ACMSD: variants seen among roughly 807,000 people sequenced by gnomAD.
ACMSD encodes the protein aminocarboxymuconate semialdehyde decarboxylase, also known as 2-amino-3-carboxymuconate-6-semialdehyde decarboxylase.
ACMSD carries 37 observed loss-of-function variants against 45.9 expected under a neutral mutation model. The observed-to-expected ratio is 0.81, with a 90% CI of 0.62 to 1.06. ACMSD has a LOEUF of 1.06. ACMSD is among the 50% of genes least tolerant of loss of function. ACMSD has a pLI of 0.00. For synonymous variants in ACMSD, 138 were observed against 148.8 expected (o/e 0.93, Z 0.53); for missense variants, 434 against 420.9 (o/e 1.03, Z -0.27).
At chr2:134,854,474 T>C (rs1249540531) in intron 2 of ACMSD, among the ~76,000 whole-genome samples, 2 of 152,208 alleles carry the variant, frequency 1.3e-5, no homozygotes, top group East Asian at 1.9e-4. Flanking sequence ...AGGATGCTCA[T>C]GCTAATGCTG....
chr2:134,888,559 T>C (rs1029051051), intron 8 of ACMSD, among the ~76,000 whole-genome samples: 1 of 152,124 alleles, frequency 6.6e-6, no homozygotes, highest in African/African-American at 2.4e-5. Flanking sequence ...AGCCAAAAAC[T>C]GGAAAAAGTG....
chr2:134,886,961 ATAAAT>A (rs1417040306), intron 8 of ACMSD, among the ~76,000 whole-genome samples: 3 of 152,378 alleles, frequency 2.0e-5, no homozygotes, highest in Admixed American at 1.3e-4. Context: ...GCAAGCAATT[ATAAAT>A]TAAACTTTTA....
chr2:134,875,471 A>C (rs1000765931), intron 8 of ACMSD, among the ~76,000 whole-genome samples: 2 of 152,074 alleles, frequency 1.3e-5, no homozygotes, highest in African/African-American at 4.8e-5. Flanking sequence ...TATTTCTAAA[A>C]CCCTGTGCTA....
intron 1 of ACMSD, among the ~76,000 whole-genome samples, chr2:134,841,629 A>T (rs1442888443): frequency 6.6e-6 from 1 of 152,204 alleles, no homozygotes; most frequent in Non-Finnish European, 1.5e-5. Context: ...GGCCCAAGAA[A>T]CAGTGGTGAA....
chr2:134,877,073 T>C (rs527967564), intron 8 of ACMSD, among the ~76,000 whole-genome samples: 3 of 152,314 alleles, frequency 2.0e-5, no homozygotes, highest in Admixed American at 6.5e-5. Context: ...GCGCCCAGTC[T>C]ATCTGTGCTG....
chr2:134,876,938 C>T (rs564589518), intron 8 of ACMSD, among the ~76,000 whole-genome samples: 1 of 152,226 alleles, frequency 6.6e-6, no homozygotes, highest in South Asian at 2.1e-4. Flanking sequence ...TGCACCACCA[C>T]ACCCAGTGTA....
chr2:134,878,427 A>G (rs1341356222), intron 8 of ACMSD, among the ~76,000 whole-genome samples: 1 of 152,130 alleles, frequency 6.6e-6, no homozygotes, highest in Non-Finnish European at 1.5e-5. Context: ...CCCAGACTCA[A>G]GGGATCCTCC....
chr2:134,898,528 A>G (rs1208916934), intron 9 of ACMSD, 89 bp downstream of exon 9: 1 of 767,910 alleles, frequency 1.3e-6, no homozygotes, highest in Non-Finnish European at 2.0e-6. Context: ...TATAAAAACA[A>G]AGAACAGAGG....
At position 134,840,194 on chromosome 2, in the gene ACMSD, C is replaced by CA. The variant is rs1300580743; in HGVS notation, c.57+1455_57+1456insA. 4.9e-3 allele frequency among the ~76,000 whole-genome samples: 338 copies of CA among 68,760 alleles called. 13 individuals are homozygous for CA. The highest frequency in any genetic ancestry group is 0.018 in the African/African-American group (292 of 16,674). 45.1% of individuals were successfully genotyped at this position (68,760 alleles called of 152,430 possible). A position where few individuals can be genotyped will look rare whatever the true frequency, so the allele number is the denominator to read the frequency against. On this transcript the variant is annotated intron_variant, in intron 1 of 9. Coordinates refer to ENST00000356140, the MANE Select transcript of ACMSD (RefSeq NM_138326.3). ...AAAAAAAAAAAAAAAAAAAAAAAAA[C>CA]CACTAATTCCTCTGTTACAGCTTTT...
chr2:134,845,100 G>A lies in ACMSD; in HGVS notation c.58-133G>A, dbSNP rs144250726. ...ATTTAATTGTAAATACTAAATAGGCGATACATGGGTATGGGGGAAATGGGA... is the reference window on the plus strand; with the variant it reads ...ATTTAATTGTAAATACTAAATAGGCAATACATGGGTATGGGGGAAATGGGA... On this transcript the variant is annotated intron_variant, in intron 1 of 9. Coordinates refer to ENST00000356140, the MANE Select transcript of ACMSD (RefSeq NM_138326.3). 206 of 811,382 alleles carry A rather than the reference G, an allele frequency of 2.5e-4. 1 individual carries two copies. The East Asian group carries it at 3.4e-3, about 14-fold the overall frequency. 50.3% of individuals were successfully genotyped at this position (811,382 alleles called of 1,614,324 possible). A position where few individuals can be genotyped will look rare whatever the true frequency, so the allele number is the denominator to read the frequency against.
At chr2:134,842,774 T>C (rs548452334) in intron 1 of ACMSD, among the ~76,000 whole-genome samples, 4 of 152,312 alleles carry the variant, frequency 2.6e-5, no homozygotes, top group African/African-American at 9.6e-5. Context: ...CCTCATTTCA[T>C]TAACACACAT....
chr2:134,841,912 C>T (rs1314120167), intron 1 of ACMSD, among the ~76,000 whole-genome samples: 1 of 152,044 alleles, frequency 6.6e-6, no homozygotes, highest in Non-Finnish European at 1.5e-5. Flanking sequence ...TTAGAAAATC[C>T]TTCTGAGGAG....
At position 134,901,930 on chromosome 2, in the gene ACMSD, T is replaced by A. The variant is rs1690524250; in HGVS notation, c.*70T>A. Reference sequence around the variant, plus strand: ...TTGTTTCTAAATATGTATCAACAGGTATCAACAAAATCCTATTTTGAACTA... The same window carrying A: ...TTGTTTCTAAATATGTATCAACAGGAATCAACAAAATCCTATTTTGAACTA... On this transcript the variant is annotated 3_prime_UTR_variant, in exon 10 of 10. Transcript: ENST00000356140. 5.2e-6 allele frequency: 6 copies of A among 1,164,190 alleles called. No homozygotes were observed. Among genetic ancestry groups the A allele is most frequent in the Non-Finnish European group, 7.4e-6 (6 of 812,416 alleles). The allele number at this position is 1,164,190 out of a possible 1,614,324, so 72.1% of individuals were successfully genotyped here. A position where few individuals can be genotyped will look rare whatever the true frequency, so the allele number is the denominator to read the frequency against.
intron 8 of ACMSD, among the ~76,000 whole-genome samples, chr2:134,886,246 A>ATTATTATTTTTTT: frequency 4.3e-5 from 5 of 115,452 alleles, no homozygotes; most frequent in African/African-American, 1.4e-4. Context: ...TATTATTATT[A>ATTATTATTTTTTT]TTTTTTTTTT....
intron 1 of ACMSD, among the ~76,000 whole-genome samples, chr2:134,844,998 G>C (rs149030735): frequency 1.0e-3 from 154 of 152,288 alleles, no homozygotes; most frequent in African/African-American, 3.2e-3. Flanking sequence ...TGCATTAGGG[G>C]AAAAGATAAA....
At chr2:134,845,029 A>G (rs920636640) in intron 1 of ACMSD, among the ~76,000 whole-genome samples, 1 of 152,234 alleles carries the variant, frequency 6.6e-6, no homozygotes, top group African/African-American at 2.4e-5. Context: ...CTGAGATAAC[A>G]GTATTTTCTT....
chr2:134,859,214 C>A, intron 2 of ACMSD, 47 bp from the exon 3 acceptor site: 1 of 1,480,162 alleles, frequency 6.8e-7, no homozygotes, highest in Non-Finnish European at 9.4e-7. Context: ...AAGATTAGTC[C>A]AAGTGGTCTT....
At chr2:134,847,003 T>C (rs984423993) in intron 2 of ACMSD, among the ~76,000 whole-genome samples, 2 of 151,616 alleles carry the variant, frequency 1.3e-5, no homozygotes, top group African/African-American at 4.9e-5. Flanking sequence ...TGGTAAAGAG[T>C]TGATGTGTTC....
intron 2 of ACMSD, among the ~76,000 whole-genome samples, chr2:134,853,118 G>A (rs565847888): frequency 2.1e-5 from 3 of 142,068 alleles, no homozygotes; most frequent in Non-Finnish European, 3.0e-5. Context: ...AGCCGAGATC[G>A]CACCACTACA....
Sources: allele counts gnomAD v4.1 joint callset (sites outside exome capture counted in the v4.1 genomes callset), GRCh38; gene constraint gnomAD v4.1.1; transcripts MANE v1.5; gene names NCBI Gene and HGNC (gene_info 2026-07-23, HGNC 2026-07-21).